Variants in STX6 observed in about 807,000 individuals in gnomAD.
STX6 encodes syntaxin 6, also known as syntaxin-6.
STX6 carries 23 observed loss-of-function variants against 38.0 expected under a neutral mutation model. The ratio of observed to expected loss-of-function variants is 0.60; its 90% CI spans 0.43 to 0.86. STX6 has a LOEUF of 0.86. STX6 is among the 40% of genes least tolerant of loss of function. The pLI, the probability that STX6 is intolerant of heterozygous loss-of-function variation, is 0.00. For missense variants in STX6, 274 were observed against 312.9 expected (o/e 0.88, Z 0.94); for synonymous variants, 123 against 107.5 (o/e 1.14, Z -0.89).
chr1:180,984,705 T>C lies in STX6; in HGVS notation c.663A>G (p.Lys221=), dbSNP rs992408212. ...TGGTCATATGAGATACTTTTGCAAG[T>C]TTCTTCATCACATTGTCCAGCCGGG... ...TQSRLDNVMK[K]LAKVSHMTSD... Residue 221 remains lysine, a synonymous_variant, in exon 7 of 8, where the codon AAA becomes AAG. Transcript: ENST00000258301. 6 of 1,587,104 alleles carry C rather than the reference T, an allele frequency of 3.8e-6. No homozygotes were observed. In the African/African-American group the frequency reaches 8.1e-5, roughly 21 times the overall value.
chr1:181,004,044 G>A (rs1656156743), intron 2 of STX6, among the ~76,000 whole-genome samples: 1 of 152,156 alleles, frequency 6.6e-6, no homozygotes, highest in Non-Finnish European at 1.5e-5. Context: ...GATAATGACT[G>A]CTAACACTAT....
At chr1:180,995,320 T>C (rs903399266) in intron 3 of STX6, among the ~76,000 whole-genome samples, 4 of 152,196 alleles carry the variant, frequency 2.6e-5, no homozygotes, top group Admixed American at 6.5e-5. Context: ...AGTCAGACTC[T>C]TGACGGCACA....
intron 5 of STX6, 52 bp from the exon 6 acceptor site, chr1:180,988,397 C>G: frequency 7.1e-7 from 1 of 1,413,876 alleles, no homozygotes; most frequent in African/African-American, 1.4e-5. Context: ...TTACCTGGTT[C>G]CAAGCCCAGC....
At chr1:181,012,119 C>CA in intron 1 of STX6, among the ~76,000 whole-genome samples, 1 of 152,272 alleles carries the variant, frequency 6.6e-6, no homozygotes, top group South Asian at 2.1e-4. Context: ...CTTGAATTGT[C>CA]AGAGTTCTTC....
rs1361307128 is a variant in STX6 at position 180,998,153 on chromosome 1, AAATTTTCTCT to A, written c.300+4443_300+4452del. Among the ~76,000 whole-genome samples the A allele has an allele frequency of 2.6e-5, 4 of 152,188 alleles. No individual in the cohort carries two copies. In the East Asian group the frequency reaches 7.7e-4, roughly 29 times the overall value. Reference sequence around the variant, plus strand: ...TCCTTTTCCTACTTTTACTTCTTGAAAATTTTCTCTAATTTTCTTTGAGCTTGCATTATCA... The same window carrying A: ...TCCTTTTCCTACTTTTACTTCTTGAAAATTTTCTTTGAGCTTGCATTATCA... On this transcript the variant is annotated intron_variant, in intron 3 of 7. Transcript: ENST00000258301.
Position 181,022,627 on chromosome 1 carries a change from G to A in STX6, c.35+12C>T. On this transcript the variant is annotated intron_variant, in intron 1 of 7. Transcript: ENST00000258301. ...ACCTCTTCCTCCGGTGGAGCGCTCG[G>A]CCGACACTCACCCTTTCACCACAAA... 1 of 1,608,386 alleles carries A rather than the reference G, an allele frequency of 6.2e-7. No homozygotes were observed. The highest frequency in any genetic ancestry group is 8.5e-7 in the Non-Finnish European group (1 of 1,177,608).
At chr1:180,982,264 G>C (rs549977056) in intron 7 of STX6, among the ~76,000 whole-genome samples, 18 of 152,276 alleles carry the variant, frequency 1.2e-4, no homozygotes, top group African/African-American at 4.3e-4. Context: ...TTATGGAGGA[G>C]AGCAGAGACG....
At chr1:180,976,768 C>T (rs1655269454) in intron 7 of STX6, 122 bp from the exon 8 acceptor site, 2 of 842,996 alleles carry the variant, frequency 2.4e-6, no homozygotes, top group Admixed American at 2.0e-5. Context: ...ATGACGGGGC[C>T]ATGATCTTAC....
intron 4 of STX6, among the ~76,000 whole-genome samples, chr1:180,991,007 ACT>A (rs534155976): frequency 5.3e-5 from 8 of 151,948 alleles, no homozygotes; most frequent in Non-Finnish European, 1.2e-4. Context: ...AGCAACTAAG[ACT>A]CTTTTTCCTT....
rs938955076 is a variant in STX6 at position 180,996,013 on chromosome 1, G to A, written c.301-2588C>T. Among the ~76,000 whole-genome samples, 18 of 152,002 alleles carry A rather than the reference G, an allele frequency of 1.2e-4. 1 individual carries two copies. The highest frequency in any genetic ancestry group is 8.5e-4 in the Admixed American group (13 of 15,252). ...TAGGTTAATTACACTTTTCTGTACC[G>A]TTATATTTTAGTAAATATATGTATT... On this transcript the variant is annotated intron_variant, in intron 3 of 7. Coordinates refer to ENST00000258301, the MANE Select transcript of STX6 (RefSeq NM_005819.6).
At chr1:181,006,903 C>G (rs113416084) in intron 1 of STX6, among the ~76,000 whole-genome samples, 2,072 of 152,298 alleles carry the variant, frequency 0.014, 55 homozygotes, top group African/African-American at 0.047. Flanking sequence ...AATCTACCAA[C>G]GTCTATTCAT....
At chr1:181,003,464 C>A (rs1463500847) in intron 2 of STX6, among the ~76,000 whole-genome samples, 1 of 151,510 alleles carries the variant, frequency 6.6e-6, no homozygotes, top group East Asian at 1.9e-4. Context: ...ACTTTTTTTC[C>A]TTCCCTCCTT....
intron 3 of STX6, among the ~76,000 whole-genome samples, chr1:180,999,978 T>C (rs1656030907): frequency 1.3e-5 from 2 of 152,126 alleles, no homozygotes; most frequent in East Asian, 3.9e-4. Context: ...TTATACAAGG[T>C]ATATTTTATT....
At chr1:181,002,519 G>T in intron 3 of STX6, 87 bp downstream of exon 3, 2 of 903,156 alleles carry the variant, frequency 2.2e-6, no homozygotes, top group Non-Finnish European at 3.5e-6. Flanking sequence ...TTTCAGAGGT[G>T]ACCTATTAGT....
At chr1:180,982,187 C>T (rs756219650) in intron 7 of STX6, among the ~76,000 whole-genome samples, 2 of 152,174 alleles carry the variant, frequency 1.3e-5, no homozygotes, top group Admixed American at 6.5e-5. Context: ...AATCACACTT[C>T]GCTGTGCCTC....
chr1:181,022,690 C>T lies in STX6; in HGVS notation c.-17G>A, dbSNP rs773257199. On this transcript the variant is annotated 5_prime_UTR_variant, in exon 1 of 8. Transcript: ENST00000258301. ...CATGGACATGGCGTCCCGGCCCCGG[C>T]CGCCTTCACCTCCTCCGCGCACAGG... 3 of 1,604,078 alleles carry T rather than the reference C, an allele frequency of 1.9e-6. 1 individual carries two copies. The South Asian group carries it at 3.3e-5, about 18-fold the overall frequency.
In STX6 at chr1:180,988,317, A is replaced by G. The variant is rs1442793702; in HGVS notation, c.518T>C (p.Leu173Ser). The G allele has an allele frequency of 1.9e-6, 3 of 1,613,992 alleles. No individual in the cohort carries two copies. The highest frequency in any genetic ancestry group is 1.7e-6 in the Non-Finnish European group (2 of 1,179,900). ...CCCGATGCTGCCAGAGACCAGCTCC[A>G]ACTGCTCATCCTGCTGTTCCACGAT... Reference protein sequence around the residue: ...QLIVEQQDEQLELVSGSIGVL... With the variant: ...QLIVEQQDEQSELVSGSIGVL... Residue 173 changes from leucine (L) to serine (S), a missense_variant, in exon 6 of 8, where the codon TTG (leucine) becomes TCG (serine). Transcript: ENST00000258301.
intron 2 of STX6, among the ~76,000 whole-genome samples, chr1:181,003,377 A>ATT (rs1314155308): frequency 6.6e-6 from 1 of 152,192 alleles, no homozygotes; most frequent in Non-Finnish European, 1.5e-5. Context: ...TATACTCAAT[A>ATT]AACACTTGCT....
chr1:181,014,750 T>C (rs1656506815), intron 1 of STX6, among the ~76,000 whole-genome samples: 2 of 152,368 alleles, frequency 1.3e-5, no homozygotes, highest in South Asian at 4.1e-4. Flanking sequence ...GCTTGACTTC[T>C]ACATTCACAT....
Sources: allele counts gnomAD v4.1 joint callset (sites outside exome capture counted in the v4.1 genomes callset), GRCh38; gene constraint gnomAD v4.1.1; transcripts MANE v1.5; gene names NCBI Gene and HGNC (gene_info 2026-07-23, HGNC 2026-07-21).